Variants in PREX1 observed in about 807,000 individuals in gnomAD.
PREX1 encodes phosphatidylinositol 3,4,5-trisphosphate-dependent Rac exchanger 1 protein.
A neutral mutation model predicts 198.3 loss-of-function variants in PREX1; 41 were observed. The ratio of observed to expected loss-of-function variants is 0.21; its 90% CI spans 0.16 to 0.27. The LOEUF (loss-of-function observed/expected upper bound fraction) is 0.27. PREX1 is among the 10% of genes least tolerant of loss of function. The pLI is 1.00. For synonymous variants in PREX1, 843 were observed against 887.2 expected, an observed-to-expected ratio of 0.95 and a Z score of 0.89; for missense variants, 1,620 against 2,200.7, an observed-to-expected ratio of 0.74 and a Z score of 5.28.
the PREX1 span, among the ~76,000 whole-genome samples, chr20:48,866,504 T>C: frequency 6.6e-6 from 1 of 152,182 alleles, no homozygotes; most frequent in South Asian, 2.1e-4. Context: ...GAGGCAGTGG[T>C]CTGAGGACTG....
chr20:48,798,520 C>G (rs548064064), intron 1 of PREX1, among the ~76,000 whole-genome samples: 2 of 152,372 alleles, frequency 1.3e-5, no homozygotes, highest in Admixed American at 1.3e-4. Context: ...CATTACCCTC[C>G]TCAGCCTTCC....
intron 1 of PREX1, among the ~76,000 whole-genome samples, chr20:48,804,019 G>C (rs55805654): frequency 1.3e-5 from 2 of 152,226 alleles, no homozygotes. Flanking sequence ...GTCTCACTTA[G>C]GTGCCCATTT....
chr20:48,836,418 G>A, the PREX1 span, among the ~76,000 whole-genome samples: 1 of 152,128 alleles, frequency 6.6e-6, no homozygotes, highest in Non-Finnish European at 1.5e-5. Flanking sequence ...GCTGGAACAG[G>A]GGTGAGGGAC....
At chr20:48,839,503 G>A in the PREX1 span, among the ~76,000 whole-genome samples, 7 of 152,274 alleles carry the variant, frequency 4.6e-5, no homozygotes, top group African/African-American at 1.4e-4. Context: ...ACAGAGTTAC[G>A]CATTTCATAC....
At chr20:48,693,462 G>A (rs1255845802) in intron 7 of PREX1, among the ~76,000 whole-genome samples, 1 of 152,176 alleles carries the variant, frequency 6.6e-6, no homozygotes, top group Non-Finnish European at 1.5e-5. Context: ...TTCCACCACG[G>A]GAGGACACAG....
At chr20:48,793,748 C>T (rs2090348473) in intron 1 of PREX1, among the ~76,000 whole-genome samples, 1 of 152,186 alleles carries the variant, frequency 6.6e-6, no homozygotes, top group Non-Finnish European at 1.5e-5. Context: ...CCTCTCGGGT[C>T]CCCAAGGACC....
chr20:48,816,358 G>A (rs987596590), intron 1 of PREX1, among the ~76,000 whole-genome samples: 1 of 152,162 alleles, frequency 6.6e-6, no homozygotes, highest in Non-Finnish European at 1.5e-5. Flanking sequence ...CTGTGTCCAC[G>A]CCCTGGAGGA....
upstream of PREX1, among the ~76,000 whole-genome samples, chr20:48,829,717 T>C (rs1057149117): frequency 2.0e-5 from 3 of 152,138 alleles, no homozygotes; most frequent in African/African-American, 7.2e-5. Flanking sequence ...GAGCCTCCGT[T>C]TCCTCATCTT....
intron 1 of PREX1, among the ~76,000 whole-genome samples, chr20:48,769,709 T>C (rs1477415590): frequency 6.6e-6 from 1 of 152,156 alleles, no homozygotes; most frequent in Non-Finnish European, 1.5e-5. Context: ...ACATGACTCA[T>C]TCACTCTGCT....
At chr20:48,813,947 G>A (rs781320271) in intron 1 of PREX1, among the ~76,000 whole-genome samples, 1 of 152,188 alleles carries the variant, frequency 6.6e-6, no homozygotes, top group Non-Finnish European at 1.5e-5. Flanking sequence ...TGTTCAAGGG[G>A]AAATAAATCT....
At chr20:48,812,802 T>C (rs1046732930) in intron 1 of PREX1, among the ~76,000 whole-genome samples, 21 of 152,264 alleles carry the variant, frequency 1.4e-4, no homozygotes, top group African/African-American at 4.3e-4. Flanking sequence ...AGCCCCCACA[T>C]TTCATTACGA....
chr20:48,635,539 C>T (rs1350254395), intron 32 of PREX1, among the ~76,000 whole-genome samples: 5 of 152,162 alleles, frequency 3.3e-5, no homozygotes, highest in Non-Finnish European at 5.9e-5. Flanking sequence ...AGCCACTCTT[C>T]GGGGCCTTTG....
the PREX1 span, among the ~76,000 whole-genome samples, chr20:48,875,370 C>T: frequency 6.6e-6 from 1 of 152,058 alleles, no homozygotes; most frequent in African/African-American, 2.4e-5. Context: ...GTAAGGATGA[C>T]TGTGAGGAGG....
intron 1 of PREX1, among the ~76,000 whole-genome samples, chr20:48,772,296 G>A (rs1166963828): frequency 1.3e-5 from 2 of 152,384 alleles, no homozygotes; most frequent in Non-Finnish European, 2.9e-5. Flanking sequence ...AGCTGGGCCA[G>A]GTTTCTTGGG....
At chr20:48,783,690 A>G (rs1400957937) in intron 1 of PREX1, among the ~76,000 whole-genome samples, 2 of 152,082 alleles carry the variant, frequency 1.3e-5, no homozygotes, top group Admixed American at 6.5e-5. Context: ...TCTCAATCAT[A>G]CCCTGCCTGT....
At chr20:48,669,450 CG>C (rs1293188547) in intron 14 of PREX1, among the ~76,000 whole-genome samples, 1 of 152,146 alleles carries the variant, frequency 6.6e-6, no homozygotes, top group African/African-American at 2.4e-5. Context: ...TGTTGCCCAC[CG>C]GGTATAAGCT....
At chr20:48,864,301 T>C in the PREX1 span, among the ~76,000 whole-genome samples, 1 of 152,234 alleles carries the variant, frequency 6.6e-6, no homozygotes, top group South Asian at 2.1e-4. Context: ...GTTCAGGCAC[T>C]GTGCTGGGAC....
At chr20:48,857,909 G>A in the PREX1 span, among the ~76,000 whole-genome samples, 2 of 152,246 alleles carry the variant, frequency 1.3e-5, no homozygotes, top group Non-Finnish European at 2.9e-5. Context: ...GTAAAAGGGG[G>A]GTCTGGGCCA....
At chr20:48,773,009 G>T (rs901340080) in intron 1 of PREX1, among the ~76,000 whole-genome samples, 2 of 152,196 alleles carry the variant, frequency 1.3e-5, no homozygotes, top group Admixed American at 6.5e-5. Context: ...GCTCATGCCT[G>T]TAATCCCAGC....
Sources: allele counts gnomAD v4.1 joint callset (sites outside exome capture counted in the v4.1 genomes callset), GRCh38; gene constraint gnomAD v4.1.1; transcripts MANE v1.5; gene names NCBI Gene and HGNC (gene_info 2026-07-23, HGNC 2026-07-21).